VGLL4: variants seen among roughly 807,000 people sequenced by gnomAD.
The protein encoded by VGLL4 is vestigial like family member 4.
A neutral mutation model predicts 21.0 loss-of-function variants in VGLL4; 7 were observed. The ratio of observed to expected loss-of-function variants is 0.33; its 90% CI spans 0.19 to 0.63. The LOEUF is 0.63. VGLL4 is among the 20% of genes least tolerant of loss of function. The pLI is 0.78. For synonymous variants in VGLL4, 222 were observed against 173.2 expected, an observed-to-expected ratio of 1.28 and a Z score of -2.21; for missense variants, 394 against 425.7, an observed-to-expected ratio of 0.93 and a Z score of 0.66.
chr3:11,622,981 T>G (rs891386730), intron 1 of VGLL4, among the ~76,000 whole-genome samples: 14 of 152,334 alleles, frequency 9.2e-5, no homozygotes, highest in African/African-American at 2.9e-4. Flanking sequence ...ATACTTGGTA[T>G]TTGAGCAAAT....
chr3:11,562,229 C>G (rs1401328777), intron 3 of VGLL4, among the ~76,000 whole-genome samples: 1 of 152,132 alleles, frequency 6.6e-6, no homozygotes. Context: ...CATCTTGCCT[C>G]TCCTCACTGG....
intron 2 of VGLL4, among the ~76,000 whole-genome samples, chr3:11,698,714 G>A (rs1347405822): frequency 6.6e-6 from 1 of 152,132 alleles, no homozygotes; most frequent in Non-Finnish European, 1.5e-5. Context: ...ATCCCTTCCA[G>A]GCCATCCAGA....
chr3:11,711,157 C>T (rs889525573), intron 1 of VGLL4, among the ~76,000 whole-genome samples: 4 of 151,736 alleles, frequency 2.6e-5, no homozygotes, highest in Non-Finnish European at 5.9e-5. Flanking sequence ...GTAATTCCAG[C>T]ACTTTGGGAG....
intron 1 of VGLL4, among the ~76,000 whole-genome samples, chr3:11,711,092 C>G (rs1241534511): frequency 2.7e-5 from 4 of 146,228 alleles, no homozygotes; most frequent in Non-Finnish European, 5.9e-5. Flanking sequence ...GAGTGAGACT[C>G]CATCTCAAAA....
At chr3:11,684,517 A>G (rs1022288558) in intron 2 of VGLL4, among the ~76,000 whole-genome samples, 4 of 152,096 alleles carry the variant, frequency 2.6e-5, no homozygotes, top group Admixed American at 1.3e-4. Context: ...AGTAGCTAGG[A>G]CCACAGGCAT....
chr3:11,702,455 C>CA (rs56189603), intron 2 of VGLL4, among the ~76,000 whole-genome samples: 197 of 96,130 alleles, frequency 2.0e-3, no homozygotes, highest in East Asian at 0.016. Flanking sequence ...ACTAAAAATA[C>CA]AAAAAAAAAA....
chr3:11,559,607 AAC>A (rs932246900), intron 3 of VGLL4, 152 bp from the exon 4 acceptor site: 6 of 1,239,472 alleles, frequency 4.8e-6, no homozygotes, highest in African/African-American at 3.1e-5. Context: ...CCTGTTGCTA[AAC>A]ACAGCCAATC....
chr3:11,720,540 A>ACACGCG (rs1283086949), exon 1 of VGLL4: 1 of 151,868 alleles, frequency 6.6e-6, no homozygotes. Context: ...TCACACTCGC[A>ACACGCG]CACGCGCACA....
At chr3:11,603,891 C>T (rs982257646) in intron 1 of VGLL4, among the ~76,000 whole-genome samples, 3 of 152,340 alleles carry the variant, frequency 2.0e-5, no homozygotes, top group South Asian at 4.1e-4. Context: ...TACACTGTGA[C>T]GCGGAAAGCA....
At position 11,582,296 on chromosome 3, in the gene VGLL4, T is replaced by A. The variant is rs1221616820; in HGVS notation, c.273-17277A>T. On this transcript the variant is annotated intron_variant, in intron 2 of 4. Transcript: ENST00000430365. ...GTTCTTGGTACTAACCTCACTTTAA[T>A]CATTGCCAAAGAGCATGAAGACAGC... 5 of 1,604,128 alleles carry A rather than the reference T, an allele frequency of 3.1e-6. No individual in the cohort carries two copies. The African/African-American group carries it at 6.7e-5, about 21-fold the overall frequency.
chr3:11,717,991 GTTT>G (rs67326896), intron 1 of VGLL4, among the ~76,000 whole-genome samples: 1 of 152,104 alleles, frequency 6.6e-6, no homozygotes, highest in Non-Finnish European at 1.5e-5. Flanking sequence ...ACCCAGAGCT[GTTT>G]TTACTACAAC....
At chr3:11,649,154 A>G (rs1442609571) in intron 2 of VGLL4, among the ~76,000 whole-genome samples, 1 of 152,256 alleles carries the variant, frequency 6.6e-6, no homozygotes, top group Non-Finnish European at 1.5e-5. Context: ...CTTATCGATG[A>G]CAGACTATTA....
At position 11,578,593 on chromosome 3, in the gene VGLL4, T is replaced by C. The variant is rs529841284; in HGVS notation, c.273-13574A>G. ...ATCTACCCTGACTGAACTCAGAAAC[T>C]CTGCAAAAAAAAAAAAAGTAATAAT... On this transcript the variant is annotated intron_variant, in intron 2 of 4. Transcript: ENST00000430365. 1.3e-4 allele frequency among the ~76,000 whole-genome samples: 19 copies of C among 145,882 alleles called. No individual in the cohort carries two copies. The East Asian group carries it at 3.7e-3, about 29-fold the overall frequency.
intron 1 of VGLL4, among the ~76,000 whole-genome samples, chr3:11,619,358 G>A (rs1018873781): frequency 1.7e-4 from 26 of 152,130 alleles, no homozygotes; most frequent in African/African-American, 6.3e-4. Flanking sequence ...AAGAAGAGTG[G>A]GTAACCCAAA....
chr3:11,706,983 G>C (rs2076769432), intron 1 of VGLL4, among the ~76,000 whole-genome samples: 1 of 152,198 alleles, frequency 6.6e-6, no homozygotes, highest in South Asian at 2.1e-4. Flanking sequence ...ATCTGTCCCT[G>C]AGCTGGCCCG....
chr3:11,637,482 T>G (rs1424733869), intron 1 of VGLL4, among the ~76,000 whole-genome samples: 1 of 152,248 alleles, frequency 6.6e-6, no homozygotes, highest in African/African-American at 2.4e-5. Context: ...ATTAAGAGTT[T>G]GGAACGATCC....
At chr3:11,674,321 G>A (rs914714400) in intron 2 of VGLL4, among the ~76,000 whole-genome samples, 9 of 152,158 alleles carry the variant, frequency 5.9e-5, no homozygotes, top group East Asian at 3.9e-4. Context: ...CAGAACGAAC[G>A]CGAAGAGGGA....
At chr3:11,593,830 GGGA>G (rs1384914085) in intron 2 of VGLL4, among the ~76,000 whole-genome samples, 2 of 152,192 alleles carry the variant, frequency 1.3e-5, no homozygotes. Flanking sequence ...CATCAGCGAG[GGGA>G]GGCTGCGTTT....
chr3:11,573,292 AAAGAAAGAAAGAAAGG>A (rs1385111117), intron 2 of VGLL4, among the ~76,000 whole-genome samples: 11 of 11,028 alleles, frequency 1.0e-3, no homozygotes, highest in Admixed American at 7.9e-3. Context: ...AGAAAGAAAG[AAAGAAAGAAAGAAAGG>A]AAGGAAGGAA....
Sources: allele counts gnomAD v4.1 joint callset (sites outside exome capture counted in the v4.1 genomes callset), GRCh38; gene constraint gnomAD v4.1.1; transcripts MANE v1.5; gene names NCBI Gene and HGNC (gene_info 2026-07-23, HGNC 2026-07-21).